The following TRAPPC9 variants were observed in gnomAD, a reference collection of about 807,000 sequenced individuals.
TRAPPC9 encodes the protein IKK2 binding protein.
Under a neutral mutation model 124.0 loss-of-function variants are expected in TRAPPC9, and 83 were observed. The ratio of observed to expected loss-of-function variants is 0.67; its 90% CI spans 0.56 to 0.80. The LOEUF (loss-of-function observed/expected upper bound fraction) is 0.80, where lower values mean the gene tolerates loss of function less well. Among genes scored for constraint, TRAPPC9 ranks in the 30% least tolerant of loss-of-function variants. TRAPPC9 has a pLI of 0.00. For synonymous variants in TRAPPC9, 638 were observed against 617.5 expected, an observed-to-expected ratio of 1.03 and a Z score of -0.49; for missense variants, 1,302 against 1,508.3, an observed-to-expected ratio of 0.86 and a Z score of 2.27.
At chr8:140,152,354 T>G in intron 17 of TRAPPC9, among the ~76,000 whole-genome samples, 1 of 130,568 alleles carries the variant, frequency 7.7e-6, no homozygotes, top group South Asian at 2.4e-4. Flanking sequence ...AATATTGCCA[T>G]CTTTTTTTTT....
intron 15 of TRAPPC9, among the ~76,000 whole-genome samples, chr8:140,265,086 C>T (rs1244370943): frequency 6.6e-6 from 1 of 152,222 alleles, no homozygotes; most frequent in Non-Finnish European, 1.5e-5. Flanking sequence ...GCAACAGCAA[C>T]ACCCACGAAA....
intron 7 of TRAPPC9, among the ~76,000 whole-genome samples, chr8:140,382,360 C>T (rs372834271): frequency 4.6e-5 from 7 of 152,218 alleles, no homozygotes; most frequent in South Asian, 2.1e-4. Context: ...ACCCAGGAAG[C>T]GCAAAGGGTC....
intron 19 of TRAPPC9, among the ~76,000 whole-genome samples, chr8:139,935,262 T>A (rs1002259384): frequency 2.6e-5 from 4 of 152,068 alleles, no homozygotes; most frequent in Non-Finnish European, 5.9e-5. Context: ...AGGGGAAAGA[T>A]TTCTAAAAAA....
At chr8:139,997,466 CCCACACAGGGGAGACAATGCATT>C (rs200195726) in intron 18 of TRAPPC9, among the ~76,000 whole-genome samples, 38,353 of 141,406 alleles carry the variant, frequency 0.27, 6,644 homozygotes, top group South Asian at 0.42. Flanking sequence ...GACAATATAT[CCCACACAGGGGAGACAATGCATT>C]CCACACAGGG....
At chr8:140,002,844 C>CAAAAA (rs56895763) in intron 18 of TRAPPC9, among the ~76,000 whole-genome samples, 151 of 68,790 alleles carry the variant, frequency 2.2e-3, no homozygotes, top group Middle Eastern at 0.023. Context: ...TTCCACTTAT[C>CAAAAA]AAAAAAAAAA....
chr8:139,777,637 A>G lies in TRAPPC9; in HGVS notation c.3056-45435T>C, dbSNP rs531783356. ...TGGTGAAACAAAATCTTATCAAAACATTCAGAATGAATGAGGCTTCTGCTT... is the reference window on the plus strand; with the variant it reads ...TGGTGAAACAAAATCTTATCAAAACGTTCAGAATGAATGAGGCTTCTGCTT... On this transcript the variant is annotated intron_variant, in intron 21 of 22. Coordinates refer to ENST00000438773, the MANE Select transcript of TRAPPC9 (RefSeq NM_001160372.4). 4.7e-4 allele frequency among the ~76,000 whole-genome samples: 71 copies of G among 152,360 alleles called. 1 individual carries two copies. Among genetic ancestry groups the G allele is most frequent in the African/African-American group, 1.7e-3 (70 of 41,588 alleles).
chr8:140,316,944 T>C (rs1461485664), intron 9 of TRAPPC9, among the ~76,000 whole-genome samples: 1 of 152,244 alleles, frequency 6.6e-6, no homozygotes, highest in Non-Finnish European at 1.5e-5. Context: ...TGATTCATTC[T>C]TGGCAGATTG....
At chr8:140,346,510 C>T (rs2067354558) in intron 9 of TRAPPC9, among the ~76,000 whole-genome samples, 1 of 152,200 alleles carries the variant, frequency 6.6e-6, no homozygotes, top group Non-Finnish European at 1.5e-5. Context: ...TCAGCTCAAA[C>T]ACCACAATTT....
Position 140,126,931 on chromosome 8 carries a change from C to T in TRAPPC9, c.2556+94528G>A, listed in dbSNP as rs138556212. On this transcript the variant is annotated intron_variant, in intron 17 of 22. Transcript: ENST00000438773. ...CACACCACTGACAGCCATGAGCTCT[C>T]ATCCTCACCCGATCCTTTCCCAGAT... 9.8e-3 allele frequency among the ~76,000 whole-genome samples: 1,491 copies of T among 152,336 alleles called. 10 individuals are homozygous for T. Among genetic ancestry groups the T allele is most frequent in the Non-Finnish European group, 0.014 (972 of 68,026 alleles).
chr8:139,986,034 G>C (rs1587417306), intron 19 of TRAPPC9, among the ~76,000 whole-genome samples: 1 of 152,234 alleles, frequency 6.6e-6, no homozygotes, highest in Admixed American at 6.5e-5. Flanking sequence ...CACAAGGTCA[G>C]GAGTCCAAGA....
intron 16 of TRAPPC9, among the ~76,000 whole-genome samples, chr8:140,223,431 T>C (rs2131333250): frequency 6.6e-6 from 1 of 152,348 alleles, no homozygotes; most frequent in Middle Eastern, 3.4e-3. Flanking sequence ...ATTGGATGGA[T>C]GGATGGGTAG....
chr8:140,091,734 G>A (rs1398460416), intron 17 of TRAPPC9, among the ~76,000 whole-genome samples: 1 of 152,148 alleles, frequency 6.6e-6, no homozygotes, highest in Non-Finnish European at 1.5e-5. Context: ...GGCTTCAAAG[G>A]GTTCTGATCT....
chr8:140,250,731 A>G (rs2064113210), intron 16 of TRAPPC9, among the ~76,000 whole-genome samples: 1 of 152,164 alleles, frequency 6.6e-6, no homozygotes, highest in Non-Finnish European at 1.5e-5. Flanking sequence ...TCTTTCTGCC[A>G]CATACTATGT....
intron 19 of TRAPPC9, among the ~76,000 whole-genome samples, chr8:139,925,671 C>G (rs761596282): frequency 2.0e-5 from 3 of 151,632 alleles, no homozygotes; most frequent in Non-Finnish European, 2.9e-5. Context: ...TTGCTTGAAC[C>G]TGGGAGGCAG....
chr8:140,149,164 C>T (rs1211912951), intron 17 of TRAPPC9, among the ~76,000 whole-genome samples: 1 of 152,046 alleles, frequency 6.6e-6, no homozygotes, highest in Non-Finnish European at 1.5e-5. Flanking sequence ...GAGATGTCAC[C>T]CTCTGATCTC....
At chr8:139,774,779 G>A (rs1165476447) in intron 21 of TRAPPC9, among the ~76,000 whole-genome samples, 1 of 152,216 alleles carries the variant, frequency 6.6e-6, no homozygotes, top group Non-Finnish European at 1.5e-5. Flanking sequence ...TGGCAAGGGA[G>A]CAGAATCTCT....
At position 140,190,345 on chromosome 8, in the gene TRAPPC9, C is replaced by G. The variant is rs572862885; in HGVS notation, c.2556+31114G>C. Reference sequence around the variant, plus strand: ...TCATGGCAGGCGACTGTAATCCCAGCTACTCGGGAGGCTGAGGCAGGAGAA... The same window carrying G: ...TCATGGCAGGCGACTGTAATCCCAGGTACTCGGGAGGCTGAGGCAGGAGAA... On this transcript the variant is annotated intron_variant, in intron 17 of 22. Transcript: ENST00000438773. 1.4e-4 allele frequency among the ~76,000 whole-genome samples: 22 copies of G among 152,238 alleles called. No individual in the cohort carries two copies. The South Asian group carries it at 3.9e-3, about 27-fold the overall frequency.
At chr8:140,043,084 G>A (rs1279469378) in intron 17 of TRAPPC9, among the ~76,000 whole-genome samples, 2 of 152,150 alleles carry the variant, frequency 1.3e-5, no homozygotes, top group African/African-American at 4.8e-5. Flanking sequence ...CACTCTCCCT[G>A]CCTGATGAAA....
chr8:139,930,510 G>A (rs879267596), intron 19 of TRAPPC9, among the ~76,000 whole-genome samples: 2 of 152,268 alleles, frequency 1.3e-5, no homozygotes, highest in East Asian at 1.9e-4. Flanking sequence ...AGCAATGCTC[G>A]CATCAGACAG....
Sources: allele counts gnomAD v4.1 joint callset (sites outside exome capture counted in the v4.1 genomes callset), GRCh38; gene constraint gnomAD v4.1.1; transcripts MANE v1.5; gene names NCBI Gene and HGNC (gene_info 2026-07-23, HGNC 2026-07-21).